Variants in RNF222 observed in about 807,000 individuals in gnomAD.
RNF222 encodes ring finger protein 222.
In RNF222, 14 loss-of-function variants were observed where a neutral mutation model predicts 10.8. That is an observed-to-expected ratio of 1.30 (90% CI 0.86 to 2.03). The LOEUF (loss-of-function observed/expected upper bound fraction) is 2.03. Ranked by LOEUF, RNF222 falls within the 30% of genes most tolerant of loss-of-function variation. The probability of loss-of-function intolerance (pLI) is 0.00; values close to 1 mark genes in which losing one functional copy is unlikely to be tolerated. For synonymous variants in RNF222, 141 were observed against 142.5 expected (o/e 0.99, Z 0.07); for missense variants, 298 against 295.8 (o/e 1.01, Z -0.06).
At position 8,392,692 on chromosome 17, in the gene RNF222, C is replaced by T; in HGVS notation, c.*107G>A. On this transcript the variant is annotated 3_prime_UTR_variant, in exon 3 of 3. Coordinates refer to ENST00000399398, the MANE Select transcript of RNF222 (RefSeq NM_001146684.3). The surrounding 1 kb of genome is among the most constrained non-coding windows in gnomAD (Gnocchi z 4.3). ...GCCCTCTCTGTGCCCAGGTCCTCCCCTCTGCCTGCCCGCGTGCCCCTCGGA... is the reference window on the plus strand; with the variant it reads ...GCCCTCTCTGTGCCCAGGTCCTCCCTTCTGCCTGCCCGCGTGCCCCTCGGA... 1 of 1,372,114 alleles carries T rather than the reference C, an allele frequency of 7.3e-7. No individual in the cohort carries two copies. The highest frequency in any genetic ancestry group is 2.6e-5 in the East Asian group (1 of 38,484). The allele number at this position is 1,372,114 out of a possible 1,614,324, so 85.0% of individuals were successfully genotyped here. A position where few individuals can be genotyped will look rare whatever the true frequency, so the allele number is the denominator to read the frequency against.
rs1005841353 is a variant in RNF222, at chr17:8,392,865, G to A, written c.597C>T (p.Leu199=). Residue 199 remains leucine (L), a synonymous_variant, in exon 3 of 3, where the codon CTC becomes CTT. Transcript: ENST00000399398. This position sits in a 1 kb window ranked among gnomAD's most constrained non-coding sequence, Gnocchi z 4.3. ...CRSRALLLIT[L]IAVVAVVAAI... is the part of the protein sequence containing the mutation. ...CGGCCACCACGGCCACCACAGCGATGAGCGTGATGAGCAGCAGGGCCCGCG... is the reference window on the plus strand; with the variant it reads ...CGGCCACCACGGCCACCACAGCGATAAGCGTGATGAGCAGCAGGGCCCGCG... 13 of 1,533,294 alleles carry A rather than the reference G, an allele frequency of 8.5e-6. No homozygotes were observed. Among genetic ancestry groups the A allele is most frequent in the East Asian group, 7.3e-5 (3 of 40,880 alleles). 95.0% of individuals were successfully genotyped at this position (1,533,294 alleles called of 1,614,324 possible).
chr17:8,392,795 C>A lies in RNF222; in HGVS notation c.*4G>T. ...CTAGCCCGGCGGCCTCCCTGAGGTG[C>A]GGCTCACGCCTGCTTCCTCACCAGC... On this transcript the variant is annotated 3_prime_UTR_variant, in exon 3 of 3. Coordinates refer to ENST00000399398, the MANE Select transcript of RNF222 (RefSeq NM_001146684.3). The surrounding 1 kb of genome is among the most constrained non-coding windows in gnomAD (Gnocchi z 4.3). 6.5e-7 allele frequency: 1 copy of A among 1,531,816 alleles called. No homozygotes were observed. Among genetic ancestry groups the A allele is most frequent in the South Asian group, 1.2e-5 (1 of 83,868 alleles). The allele number at this position is 1,531,816 out of a possible 1,614,324, so 94.9% of individuals were successfully genotyped here.
chr17:8,393,118 G>T lies in RNF222; in HGVS notation c.344C>A (p.Ala115Asp). ...HTNPLAASSP[A>D]WRPPPGQARP... Reference sequence around the variant, plus strand: ...GGCCTGGCCTGGAGGTGGCCTCCAGGCAGGGGAGGAGGCGGCCAGGGGGTT... The same window carrying T: ...GGCCTGGCCTGGAGGTGGCCTCCAGTCAGGGGAGGAGGCGGCCAGGGGGTT... Residue 115 changes from alanine to aspartate, a missense_variant, in exon 3 of 3, where the codon GCC (alanine) becomes GAC (aspartate). Transcript: ENST00000399398. 6.5e-7 allele frequency: 1 copy of T among 1,527,978 alleles called. No individual in the cohort carries two copies. The highest frequency in any genetic ancestry group is 1.4e-5 in the African/African-American group (1 of 72,824). 94.7% of individuals were successfully genotyped at this position (1,527,978 alleles called of 1,614,324 possible). A position where few individuals can be genotyped will look rare whatever the true frequency, so the allele number is the denominator to read the frequency against.
chr17:8,393,571 T>C (rs775030900), intron 2 of RNF222, 85 bp from the exon 3 acceptor site: 105 of 1,447,554 alleles, frequency 7.3e-5, no homozygotes, highest in Non-Finnish European at 9.0e-5. Flanking sequence ...CTGCCTCCAC[T>C]GCCCCTTATC....
Position 8,396,566 on chromosome 17 carries a change from T to C in RNF222, c.-178+1129A>G, listed in dbSNP as rs1253670202. On this transcript the variant is annotated intron_variant, in intron 1 of 2. Transcript: ENST00000399398. The stretch of plus-strand genomic sequence containing the variant: ...GGGCAATCCTTCCCTCTTACAACGA[T>C]GGCCTCTCCGGACAATCCTTCCCCC... Among the ~76,000 whole-genome samples, 3 of 151,820 alleles carry C rather than the reference T, an allele frequency of 2.0e-5. No homozygotes were observed. In the East Asian group the frequency reaches 5.8e-4, roughly 29 times the overall value.
intron 1 of RNF222, among the ~76,000 whole-genome samples, chr17:8,394,975 A>T (rs1907995120): frequency 6.6e-6 from 1 of 152,212 alleles, no homozygotes; most frequent in Admixed American, 6.5e-5. Flanking sequence ...TGACAGAGAC[A>T]AAAGACCCCT....
chr17:8,393,201 C>T lies in RNF222; in HGVS notation c.261G>A (p.Thr87=). ...AGGGCAGGCCCACGGGCACAGCCAG[C>T]GTCTGGGAGCTCTTGTCCAGCATGG... ...WPSMLDKSSQ[T]LAVPVGLPSV... The change falls in exon 3 of 3, where the codon ACG becomes ACA. Residue 87 remains threonine (T), a synonymous_variant. Transcript: ENST00000399398. 1.3e-6 allele frequency: 2 copies of T among 1,550,740 alleles called. No homozygotes were observed. The highest frequency in any genetic ancestry group is 1.7e-6 in the Non-Finnish European group (2 of 1,146,956).
Position 8,392,142 on chromosome 17 carries a change from G to T in RNF222, c.*657C>A, listed in dbSNP as rs143758669. On this transcript the variant is annotated 3_prime_UTR_variant, in exon 3 of 3. Coordinates refer to ENST00000399398, the MANE Select transcript of RNF222 (RefSeq NM_001146684.3). This position sits in a 1 kb window ranked among gnomAD's most constrained non-coding sequence, Gnocchi z 4.3. Reference sequence around the variant, plus strand: ...GGGTGGCCTCTATCAACCAACCCCTGTCTCTGGATCTGGCCTCAGCTCTGC... The same window carrying T: ...GGGTGGCCTCTATCAACCAACCCCTTTCTCTGGATCTGGCCTCAGCTCTGC... 1 of 152,416 alleles carries T rather than the reference G, an allele frequency of 6.6e-6. No homozygotes were observed. The highest frequency in any genetic ancestry group is 1.9e-4 in the East Asian group (1 of 5,192). 9.4% of individuals were successfully genotyped at this position (152,416 alleles called of 1,614,324 possible). A position where few individuals can be genotyped will look rare whatever the true frequency, so the allele number is the denominator to read the frequency against.
chr17:8,393,465 C>T lies in RNF222; in HGVS notation c.-4G>A. The T allele has an allele frequency of 1.3e-6, 2 of 1,545,404 alleles. No individual in the cohort carries two copies. The highest frequency in any genetic ancestry group is 1.7e-6 in the Non-Finnish European group (2 of 1,143,826). Reference sequence around the variant, plus strand: ...CCTTGCTCTCCCCTTCTGACATGGCCACTGGGAGATGGCACGCTCAGCTGT... The same window carrying T: ...CCTTGCTCTCCCCTTCTGACATGGCTACTGGGAGATGGCACGCTCAGCTGT... On this transcript the variant is annotated 5_prime_UTR_variant, in exon 3 of 3. Transcript: ENST00000399398.
rs1038092037 is a variant in RNF222, at chr17:8,391,218, C to T, written c.*1581G>A. 1 of 152,082 alleles carries T rather than the reference C, an allele frequency of 6.6e-6. No homozygotes were observed. The highest frequency in any genetic ancestry group is 2.4e-5 in the African/African-American group (1 of 41,378). 9.4% of individuals were successfully genotyped at this position (152,082 alleles called of 1,614,324 possible). Reference sequence around the variant, plus strand: ...TGTATTTTTAGTAGAGACGCGGTTTCACCATATTGGCCAGGCTGGTCTCGA... The same window carrying T: ...TGTATTTTTAGTAGAGACGCGGTTTTACCATATTGGCCAGGCTGGTCTCGA... On this transcript the variant is annotated 3_prime_UTR_variant, in exon 3 of 3. Coordinates refer to ENST00000399398, the MANE Select transcript of RNF222 (RefSeq NM_001146684.3).
chr17:8,395,925 T>C (rs909972923), intron 1 of RNF222, among the ~76,000 whole-genome samples: 2 of 152,228 alleles, frequency 1.3e-5, no homozygotes, highest in Non-Finnish European at 2.9e-5. Flanking sequence ...TCCATCCATC[T>C]GTCTAATTAT....
At chr17:8,393,532 C>T in intron 2 of RNF222, 46 bp from the exon 3 acceptor site, 1 of 1,481,866 alleles carries the variant, frequency 6.7e-7, no homozygotes, top group Non-Finnish European at 9.0e-7. Context: ...TCCTCTTTCC[C>T]TCCCCCGTCC....
At chr17:8,396,765 G>A (rs1908051866) in intron 1 of RNF222, among the ~76,000 whole-genome samples, 1 of 152,064 alleles carries the variant, frequency 6.6e-6, no homozygotes, top group Non-Finnish European at 1.5e-5. Flanking sequence ...CCCTCCCTCT[G>A]CCTCTCTCGC....
In RNF222 at chr17:8,392,733, G is replaced by A; in HGVS notation, c.*66C>T. 1 of 1,504,294 alleles carries A rather than the reference G, an allele frequency of 6.6e-7. No homozygotes were observed. 93.2% of individuals were successfully genotyped at this position (1,504,294 alleles called of 1,614,324 possible). ...GCCCCTCGGAGCTTGGTGGCACCAGGGCTGCCGTGGGCCTCCTGTCCCACC... is the reference window on the plus strand; with the variant it reads ...GCCCCTCGGAGCTTGGTGGCACCAGAGCTGCCGTGGGCCTCCTGTCCCACC... On this transcript the variant is annotated 3_prime_UTR_variant, in exon 3 of 3. Transcript: ENST00000399398. This position sits in a 1 kb window ranked among gnomAD's most constrained non-coding sequence, Gnocchi z 4.3.
intron 2 of RNF222, 67 bp from the exon 3 acceptor site, chr17:8,393,553 C>T (rs771818949): frequency 2.7e-6 from 4 of 1,468,312 alleles, no homozygotes; most frequent in Non-Finnish European, 3.6e-6. Context: ...TAACTCCCAC[C>T]TACACCTCTG....
Position 8,392,423 on chromosome 17 carries a change from T to A in RNF222, c.*376A>T. On this transcript the variant is annotated 3_prime_UTR_variant, in exon 3 of 3. Transcript: ENST00000399398. The surrounding 1 kb of genome is among the most constrained non-coding windows in gnomAD (Gnocchi z 4.3). ...CCATCGGCCAGCCCAGCAGGACGTC[T>A]GCCTGCAGGACTTTCTTGTCCCTGG... The A allele has an allele frequency of 4.4e-6, 1 of 226,766 alleles. No individual in the cohort carries two copies. The highest frequency in any genetic ancestry group is 8.8e-6 in the Non-Finnish European group (1 of 113,866). The allele number at this position is 226,766 out of a possible 1,614,324, so 14.0% of individuals were successfully genotyped here.
In RNF222 at chr17:8,393,039, G is replaced by A; in HGVS notation, c.423C>T (p.Pro141=). ...AGATCTGTGACTCCCGGGGCAGGCT[G>A]GGCAGCAGGTCCAGGGGGAGCTGGG... ...QSAQLPLDLL[P]SLPRESQIFV... Residue 141 remains proline (P), a synonymous_variant, in exon 3 of 3, where the codon CCC becomes CCT. Coordinates refer to ENST00000399398, the MANE Select transcript of RNF222 (RefSeq NM_001146684.3). 1 of 1,501,590 alleles carries A rather than the reference G, an allele frequency of 6.7e-7. No individual in the cohort carries two copies. Among genetic ancestry groups the A allele is most frequent in the African/African-American group, 1.4e-5 (1 of 72,296 alleles). The allele number at this position is 1,501,590 out of a possible 1,614,324, so 93.0% of individuals were successfully genotyped here. A position where few individuals can be genotyped will look rare whatever the true frequency, so the allele number is the denominator to read the frequency against.
Position 8,394,344 on chromosome 17 carries a change from A to G in RNF222, c.-177-15T>C, listed in dbSNP as rs140464541. 6.6e-6 allele frequency: 1 copy of G among 152,372 alleles called. No homozygotes were observed. Among genetic ancestry groups the G allele is most frequent in the African/African-American group, 2.4e-5 (1 of 41,588 alleles). The allele number at this position is 152,372 out of a possible 1,614,324, so 9.4% of individuals were successfully genotyped here. A position where few individuals can be genotyped will look rare whatever the true frequency, so the allele number is the denominator to read the frequency against. The stretch of plus-strand genomic sequence containing the variant: ...GGTAGCCAAGTCTGATAGGAAAGTA[A>G]ATGAGTGATCAAGTGGCATGATATT... On this transcript the variant is annotated splice_polypyrimidine_tract_variant and intron_variant, in intron 1 of 2. Transcript: ENST00000399398.
chr17:8,396,268 G>GT (rs370194281), intron 1 of RNF222, among the ~76,000 whole-genome samples: 237 of 152,318 alleles, frequency 1.6e-3, no homozygotes, highest in African/African-American at 5.3e-3. Flanking sequence ...GAGGTGACCG[G>GT]TGAAGGTGAC....
Sources: allele counts gnomAD v4.1 joint callset (sites outside exome capture counted in the v4.1 genomes callset), GRCh38; gene constraint gnomAD v4.1.1; non-coding constraint Gnocchi (gnomAD v3.1); transcripts MANE v1.5; gene names NCBI Gene and HGNC (gene_info 2026-07-23, HGNC 2026-07-21).